The following ASIC2 variants were observed in gnomAD, a reference collection of about 807,000 sequenced individuals.
The protein encoded by ASIC2 is acid-sensing ion channel 2.
A neutral mutation model predicts 57.3 loss-of-function variants in ASIC2; 25 were observed. That is an observed-to-expected ratio of 0.44 (90% CI 0.32 to 0.61). The LOEUF (loss-of-function observed/expected upper bound fraction) is 0.61. Ranked by LOEUF, ASIC2 falls within the 20% of genes least tolerant of loss-of-function variation. The probability of loss-of-function intolerance (pLI) is 0.06; values close to 1 mark genes in which losing one functional copy is unlikely to be tolerated. For synonymous variants in ASIC2, 319 were observed against 307.5 expected (o/e 1.04, Z -0.39); for missense variants, 641 against 738.1 (o/e 0.87, Z 1.52).
At chr17:33,414,559 G>T (rs1369408660) in intron 1 of ASIC2, among the ~76,000 whole-genome samples, 1 of 152,166 alleles carries the variant, frequency 6.6e-6, no homozygotes. Flanking sequence ...AGGGGGTCAA[G>T]GCCTGCCTTG....
chr17:34,132,305 G>A (rs1912002205), intron 1 of ASIC2, among the ~76,000 whole-genome samples: 1 of 152,274 alleles, frequency 6.6e-6, no homozygotes, highest in Non-Finnish European at 1.5e-5. Context: ...CAGACCCAAA[G>A]AGTGAGCAGC....
intron 3 of ASIC2, among the ~76,000 whole-genome samples, chr17:33,035,783 C>T (rs564673994): frequency 2.0e-4 from 30 of 152,214 alleles, no homozygotes; most frequent in Non-Finnish European, 3.5e-4. Context: ...TAGACTCTCT[C>T]CCTATCCACA....
chr17:33,513,375 C>G (rs747983743), intron 1 of ASIC2, among the ~76,000 whole-genome samples: 12 of 152,234 alleles, frequency 7.9e-5, no homozygotes, highest in Non-Finnish European at 1.6e-4. Flanking sequence ...ACAGCTTTAG[C>G]TGTGTCCCAT....
At chr17:33,402,946 A>C (rs1910334515) in intron 1 of ASIC2, among the ~76,000 whole-genome samples, 2 of 152,358 alleles carry the variant, frequency 1.3e-5, no homozygotes, top group South Asian at 4.1e-4. Flanking sequence ...GTGATGATTA[A>C]GAAGTCAAGA....
At chr17:33,945,603 T>G (rs891665829) in intron 1 of ASIC2, among the ~76,000 whole-genome samples, 1 of 152,300 alleles carries the variant, frequency 6.6e-6, no homozygotes, top group Non-Finnish European at 1.5e-5. Context: ...GAATGCCTTC[T>G]GAGCCTAGAG....
At chr17:34,035,860 A>G (rs1217392980) in intron 1 of ASIC2, among the ~76,000 whole-genome samples, 6 of 151,996 alleles carry the variant, frequency 3.9e-5, no homozygotes, top group Non-Finnish European at 5.9e-5. Flanking sequence ...TTAGAATGGC[A>G]ATCATTAAAA....
rs34871493 is a variant in ASIC2 at position 33,666,683 on chromosome 17, C to A, written c.555+489295G>T. Among the ~76,000 whole-genome samples, 1,404 of 152,228 alleles carry A rather than the reference C, an allele frequency of 9.2e-3. 20 individuals carry two copies. The highest frequency in any genetic ancestry group is 0.031 in the African/African-American group (1,298 of 41,530). On this transcript the variant is annotated intron_variant, in intron 1 of 9. Transcript: ENST00000359872. ...CTCCACCCACCTTATGCTGTCACCCCCTGCCCAGGACTGGACCTCCATTCA... is the reference window on the plus strand; with the variant it reads ...CTCCACCCACCTTATGCTGTCACCCACTGCCCAGGACTGGACCTCCATTCA...
intron 1 of ASIC2, among the ~76,000 whole-genome samples, chr17:33,656,101 C>T: frequency 6.6e-6 from 1 of 151,922 alleles, no homozygotes; most frequent in Non-Finnish European, 1.5e-5. Context: ...AGAAACTAAA[C>T]CTGAGAGGGA....
intron 1 of ASIC2, among the ~76,000 whole-genome samples, chr17:33,381,577 G>A (rs1909491275): frequency 1.3e-5 from 2 of 152,194 alleles, no homozygotes. Context: ...GCCCCGGGGG[G>A]GCACTGAAAC....
At chr17:33,722,923 C>T (rs867957989) in intron 1 of ASIC2, among the ~76,000 whole-genome samples, 7 of 152,146 alleles carry the variant, frequency 4.6e-5, no homozygotes, top group Non-Finnish European at 4.4e-5. Context: ...TGAAAAATAG[C>T]AAATATTCAC....
At chr17:33,223,251 C>T (rs190317831) in intron 1 of ASIC2, among the ~76,000 whole-genome samples, 25 of 151,882 alleles carry the variant, frequency 1.6e-4, no homozygotes, top group African/African-American at 5.1e-4. Flanking sequence ...GGCGTGATCT[C>T]GGCTCACTGC....
intron 1 of ASIC2, among the ~76,000 whole-genome samples, chr17:33,884,534 C>T (rs1320667912): frequency 6.6e-6 from 1 of 152,102 alleles, no homozygotes; most frequent in Admixed American, 6.6e-5. Context: ...TCACAACATG[C>T]CCCACATCCC....
chr17:33,536,459 ATT>A (rs1915232764), intron 1 of ASIC2, among the ~76,000 whole-genome samples: 1 of 152,218 alleles, frequency 6.6e-6, no homozygotes, highest in East Asian at 1.9e-4. Context: ...CACTATGGAA[ATT>A]GACAAATGCT....
intron 1 of ASIC2, among the ~76,000 whole-genome samples, chr17:33,173,588 C>T (rs115281298): frequency 0.024 from 3,612 of 152,224 alleles, 141 homozygotes; most frequent in African/African-American, 0.083. Flanking sequence ...AAACAGAATG[C>T]TCTGAAGCAG....
chr17:33,291,943 C>G lies in ASIC2; in HGVS notation c.173G>C (p.Arg58Pro). The G allele has an allele frequency of 6.6e-7, 1 of 1,524,248 alleles. No homozygotes were observed. 94.4% of individuals were successfully genotyped at this position (1,524,248 alleles called of 1,614,324 possible). The change falls in exon 1 of 10, where the codon CGG becomes CCG. Residue 58 changes from arginine (R) to proline (P), a missense_variant. Physicochemically the swap from Arg to Pro is moderately radical, Grantham distance 103. This residue lies in a region of ASIC2 where 382 missense variants were observed against 398.0 expected (regional missense o/e 0.96). Coordinates refer to ENST00000225823, the MANE Select transcript of ASIC2 (RefSeq NM_183377.2). ...LQGPGVARRG[R>P]PSLSRAKLHG... ...CAGTTTAGCGCGGCTCAGCGATGGC[C>G]GCCCCCTGCGGGCGACCCCTGGCCC... is the stretch of plus-strand genomic sequence containing the variant.
intron 1 of ASIC2, among the ~76,000 whole-genome samples, chr17:33,787,123 C>T (rs191000369): frequency 2.2e-4 from 33 of 152,308 alleles, no homozygotes; most frequent in East Asian, 1.4e-3. Context: ...GAGCACAGTA[C>T]GGCTCTCACA....
chr17:33,743,816 C>A (rs75982903), intron 1 of ASIC2, among the ~76,000 whole-genome samples: 14,334 of 152,234 alleles, frequency 0.094, 684 homozygotes, highest in African/African-American at 0.1. Flanking sequence ...TCCATACTCA[C>A]GTAATCCAAT....
intron 1 of ASIC2, among the ~76,000 whole-genome samples, chr17:33,837,908 A>T (rs1913321499): frequency 6.6e-6 from 1 of 151,954 alleles, no homozygotes; most frequent in Non-Finnish European, 1.5e-5. Context: ...CTCTACCTCC[A>T]TCTGTTCACC....
At chr17:33,509,663 G>C (rs538738576) in intron 1 of ASIC2, among the ~76,000 whole-genome samples, 2 of 152,258 alleles carry the variant, frequency 1.3e-5, no homozygotes, top group African/African-American at 4.8e-5. Flanking sequence ...GCCCCGCAGA[G>C]AGAAGACTTA....
Sources: allele counts gnomAD v4.1 joint callset (sites outside exome capture counted in the v4.1 genomes callset), GRCh38; gene constraint gnomAD v4.1.1; regional missense constraint gnomAD v4.1.1; transcripts MANE v1.5; gene names NCBI Gene and HGNC (gene_info 2026-07-23, HGNC 2026-07-21).